B4GALT1: variants seen among roughly 807,000 people sequenced by gnomAD.
The protein encoded by B4GALT1 is N-acetyllactosamine synthase.
Under a neutral mutation model 34.9 loss-of-function variants are expected in B4GALT1, and 16 were observed. The observed-to-expected ratio is 0.46, with a 90% CI of 0.31 to 0.70. The LOEUF (loss-of-function observed/expected upper bound fraction) is 0.70, where lower values mean the gene tolerates loss of function less well. Among genes scored for constraint, B4GALT1 ranks in the 30% least tolerant of loss-of-function variants. The probability of loss-of-function intolerance (pLI) is 0.05; values close to 1 mark genes in which losing one functional copy is unlikely to be tolerated. For synonymous variants in B4GALT1, 221 were observed against 218.1 expected (o/e 1.01, Z -0.12); for missense variants, 445 against 530.5 (o/e 0.84, Z 1.58).
At position 33,113,279 on chromosome 9, in the gene B4GALT1, T is replaced by C. The variant is rs1262738862; in HGVS notation, c.*175A>G. ...CTAAGAATTCACATGCCGAGCCAAGTTGGGGGCAAAATATCCCACTCGTCC... is the reference window on the plus strand; with the variant it reads ...CTAAGAATTCACATGCCGAGCCAAGCTGGGGGCAAAATATCCCACTCGTCC... On this transcript the variant is annotated 3_prime_UTR_variant, in exon 6 of 6. Transcript: ENST00000379731. The C allele has an allele frequency of 7.6e-6, 7 of 927,094 alleles. No homozygotes were observed. Among genetic ancestry groups the C allele is most frequent in the East Asian group, 5.2e-5 (2 of 38,798 alleles). The allele number at this position is 927,094 out of a possible 1,614,324, so 57.4% of individuals were successfully genotyped here.
chr9:33,113,185 C>T lies in B4GALT1; in HGVS notation c.*269G>A. ...CGGCCACCAAATTTTGGGATGTGTA[C>T]AGTTCTGACTCTGGGGTGACACTGC... On this transcript the variant is annotated 3_prime_UTR_variant, in exon 6 of 6. Coordinates refer to ENST00000379731, the MANE Select transcript of B4GALT1 (RefSeq NM_001497.4). The T allele has an allele frequency of 1.9e-6, 1 of 515,374 alleles. No homozygotes were observed. Among genetic ancestry groups the T allele is most frequent in the Non-Finnish European group, 3.5e-6 (1 of 283,136 alleles). The allele number at this position is 515,374 out of a possible 1,614,324, so 31.9% of individuals were successfully genotyped here. A position where few individuals can be genotyped will look rare whatever the true frequency, so the allele number is the denominator to read the frequency against.
In B4GALT1 at chr9:33,132,581, C is replaced by T. The variant is rs559454779; in HGVS notation, c.648+2608G>A. 5.3e-5 allele frequency among the ~76,000 whole-genome samples: 8 copies of T among 152,360 alleles called. No individual in the cohort carries two copies. The South Asian group carries it at 1.7e-3, about 32-fold the overall frequency. On this transcript the variant is annotated intron_variant, in intron 2 of 5. Transcript: ENST00000379731. ...AGCACAGCTGTGCCACCGGTCTGAG[C>T]TGGCTTGGTTAGTTGTTCCATCTAC...
chr9:33,126,258 G>A (rs1041677315), intron 2 of B4GALT1, among the ~76,000 whole-genome samples: 1 of 152,230 alleles, frequency 6.6e-6, no homozygotes, highest in East Asian at 1.9e-4. Flanking sequence ...AGCGGCAGCA[G>A]AAGCTCTGAC....
At chr9:33,167,484 G>A (rs1460034091), upstream of B4GALT1, 2 of 182,850 alleles carry the variant, frequency 1.1e-5, no homozygotes, top group Non-Finnish European at 2.3e-5. Context: ...GGGGCCTCGG[G>A]AGGGTGGGCA....
In B4GALT1 at chr9:33,112,270, C is replaced by T. The variant is rs2118003102; in HGVS notation, c.*1184G>A. The T allele has an allele frequency of 6.6e-6, 1 of 152,382 alleles. No individual in the cohort carries two copies. The highest frequency in any genetic ancestry group is 1.9e-4 in the East Asian group (1 of 5,176). The allele number at this position is 152,382 out of a possible 1,614,324, so 9.4% of individuals were successfully genotyped here. On this transcript the variant is annotated 3_prime_UTR_variant, in exon 6 of 6. Transcript: ENST00000379731. ...CTGACTGCTGTTATTTACAACCCCC[C>T]AGCCTAGGGGCCTGAGGGGTCAGTC...
intron 1 of B4GALT1, among the ~76,000 whole-genome samples, chr9:33,146,501 C>G (rs1255604587): frequency 6.6e-6 from 1 of 152,130 alleles, no homozygotes; most frequent in Non-Finnish European, 1.5e-5. Context: ...CAATCTGGAG[C>G]CAGTCACTGA....
intron 2 of B4GALT1, among the ~76,000 whole-genome samples, chr9:33,127,416 G>A (rs1045301099): frequency 2.0e-5 from 3 of 152,186 alleles, no homozygotes; most frequent in Non-Finnish European, 2.9e-5. Flanking sequence ...ATACAAGTTG[G>A]AGAAAAATAC....
chr9:33,132,904 ATTTAT>A (rs1840214594), intron 2 of B4GALT1, among the ~76,000 whole-genome samples: 1 of 151,802 alleles, frequency 6.6e-6, no homozygotes. Flanking sequence ...TTATTTATTT[ATTTAT>A]TTTATTTTTT....
intron 1 of B4GALT1, among the ~76,000 whole-genome samples, chr9:33,152,276 C>A (rs1160223231): frequency 6.6e-6 from 1 of 151,706 alleles, no homozygotes; most frequent in East Asian, 1.9e-4. Flanking sequence ...TGCACTCCAG[C>A]CTGGGCGACA....
intron 2 of B4GALT1, among the ~76,000 whole-genome samples, chr9:33,124,056 C>T (rs369735062): frequency 3.3e-5 from 5 of 152,182 alleles, no homozygotes; most frequent in East Asian, 3.8e-4. Flanking sequence ...TATCAGGGGC[C>T]GTGGGTACAC....
chr9:33,127,225 A>G (rs1840125745), intron 2 of B4GALT1, among the ~76,000 whole-genome samples: 1 of 152,182 alleles, frequency 6.6e-6, no homozygotes, highest in African/African-American at 2.4e-5. Context: ...GGCCTCCCAA[A>G]GTACTGGGAT....
At chr9:33,172,004 T>G (rs149819794), upstream of B4GALT1, among the ~76,000 whole-genome samples, 1,329 of 152,304 alleles carry the variant, frequency 8.7e-3, 9 homozygotes, top group Non-Finnish European at 0.014. Context: ...TTCAACTAAT[T>G]AAGACTTCAG....
At chr9:33,131,330 C>T (rs959588903) in intron 2 of B4GALT1, among the ~76,000 whole-genome samples, 3 of 152,198 alleles carry the variant, frequency 2.0e-5, no homozygotes, top group African/African-American at 7.2e-5. Flanking sequence ...TCTACATTGT[C>T]TGGCCTCAGG....
intron 2 of B4GALT1, among the ~76,000 whole-genome samples, chr9:33,127,164 C>G (rs1840124414): frequency 6.6e-6 from 1 of 152,036 alleles, no homozygotes; most frequent in Non-Finnish European, 1.5e-5. Context: ...GGGGTTTCAC[C>G]ATGTTAGCCA....
At chr9:33,127,331 A>G (rs1194425544) in intron 2 of B4GALT1, among the ~76,000 whole-genome samples, 8 of 152,226 alleles carry the variant, frequency 5.3e-5, no homozygotes, top group African/African-American at 1.9e-4. Flanking sequence ...AGGGCCCGAC[A>G]CACTGAAAAG....
At chr9:33,149,400 C>T (rs921187245) in intron 1 of B4GALT1, among the ~76,000 whole-genome samples, 23 of 152,094 alleles carry the variant, frequency 1.5e-4, no homozygotes, top group African/African-American at 5.5e-4. Context: ...TGTGCCTCAG[C>T]CTCCTGAGTA....
chr9:33,117,800 C>G (rs73484530), intron 3 of B4GALT1, among the ~76,000 whole-genome samples: 2,545 of 152,326 alleles, frequency 0.017, 39 homozygotes, highest in South Asian at 0.045. Flanking sequence ...TGGCACACCT[C>G]ATACTACTGT....
chr9:33,126,187 C>T (rs1840093099), intron 2 of B4GALT1, among the ~76,000 whole-genome samples: 1 of 152,116 alleles, frequency 6.6e-6, no homozygotes, highest in Non-Finnish European at 1.5e-5. Flanking sequence ...TTTTCTGTGC[C>T]CACTGAGACA....
At chr9:33,183,639 G>C in the B4GALT1 span, among the ~76,000 whole-genome samples, 135 of 99,154 alleles carry the variant, frequency 1.4e-3, 1 homozygote, top group Middle Eastern at 7.9e-3. Flanking sequence ...TTGTGGGGTG[G>C]GGGGAGGGGG....
Sources: allele counts gnomAD v4.1 joint callset (sites outside exome capture counted in the v4.1 genomes callset), GRCh38; gene constraint gnomAD v4.1.1; transcripts MANE v1.5; gene names NCBI Gene and HGNC (gene_info 2026-07-23, HGNC 2026-07-21).